The following DEAF1 variants were observed in gnomAD, a reference collection of about 807,000 sequenced individuals.
DEAF1 encodes the protein DEAF1 transcription factor, also known as deformed epidermal autoregulatory factor 1 homolog.
In DEAF1, 53 loss-of-function variants were observed where a neutral mutation model predicts 58.9. The ratio of observed to expected loss-of-function variants is 0.90; its 90% CI spans 0.72 to 1.13. The LOEUF is 1.13. Ranked by LOEUF, DEAF1 falls within the 50% of genes most tolerant of loss-of-function variation. The pLI, the probability that DEAF1 is intolerant of heterozygous loss-of-function variation, is 0.00. For missense variants in DEAF1, 685 were observed against 791.4 expected, an observed-to-expected ratio of 0.87 and a Z score of 1.61; for synonymous variants, 385 against 340.4, an observed-to-expected ratio of 1.13 and a Z score of -1.44.
At chr11:646,987 A>T (rs749599979) in intron 11 of DEAF1, among the ~76,000 whole-genome samples, 14 of 36,090 alleles carry the variant, frequency 3.9e-4, no homozygotes, top group Non-Finnish European at 7.2e-4. Context: ...CTATCTCTAT[A>T]AAAAAAAAAA....
chr11:691,632 A>G (rs773396409), intron 1 of DEAF1, 34 bp from the exon 2 acceptor site: 2 of 1,601,502 alleles, frequency 1.2e-6, no homozygotes, highest in Non-Finnish European at 1.7e-6. Flanking sequence ...AACAAGCAAC[A>G]AAAGCCAGAA....
chr11:644,384 A>T lies in DEAF1; in HGVS notation c.*166T>A, dbSNP rs1007915151. 3 of 672,742 alleles carry T rather than the reference A, an allele frequency of 4.5e-6. No homozygotes were observed. The Admixed American group carries it at 6.4e-5, about 14-fold the overall frequency. The allele number at this position is 672,742 out of a possible 1,614,324, so 41.7% of individuals were successfully genotyped here. ...CCCGGGCAGGGGGAGTGCGCTTCCCAGGGCACCATTCGCTTAAAGTGTGTT... is the reference window on the plus strand; with the variant it reads ...CCCGGGCAGGGGGAGTGCGCTTCCCTGGGCACCATTCGCTTAAAGTGTGTT... On this transcript the variant is annotated 3_prime_UTR_variant, in exon 12 of 12. Coordinates refer to ENST00000382409, the MANE Select transcript of DEAF1 (RefSeq NM_021008.4). This position sits in a 1 kb window ranked among gnomAD's most constrained non-coding sequence, Gnocchi z 4.3.
At chr11:659,455 T>C (rs138256438) in intron 10 of DEAF1, among the ~76,000 whole-genome samples, 95 of 152,090 alleles carry the variant, frequency 6.2e-4, no homozygotes, top group Non-Finnish European at 1.2e-3. Flanking sequence ...GATGAGGCTG[T>C]GGTTGGAGGC....
chr11:679,242 G>A (rs1404807427), intron 8 of DEAF1, among the ~76,000 whole-genome samples: 1 of 151,724 alleles, frequency 6.6e-6, no homozygotes, highest in African/African-American at 2.4e-5. Context: ...GTGAACCCGG[G>A]AGGCGGAGCT....
At chr11:664,476 G>C (rs1859451745) in intron 10 of DEAF1, among the ~76,000 whole-genome samples, 1 of 130,324 alleles carries the variant, frequency 7.7e-6, no homozygotes, top group Non-Finnish European at 1.6e-5. Context: ...TCCTGGCTCA[G>C]CTATTCACAC....
In DEAF1 at chr11:703,560, G is replaced by C. The variant is rs1244102122; in HGVS notation, c.-438+3012C>G. The C allele has an allele frequency of 3.2e-6, 4 of 1,233,498 alleles. No homozygotes were observed. The African/African-American group carries it at 4.7e-5, about 14-fold the overall frequency. 76.4% of individuals were successfully genotyped at this position (1,233,498 alleles called of 1,614,324 possible). On this transcript the variant is annotated intron_variant, in intron 1 of 11. Transcript: ENST00000683307. ...CCCCATCACCCCCTAGTTCCCCAATGGTCCTAATTTGTGTTCTGAGATCCC... is the reference window on the plus strand; with the variant it reads ...CCCCATCACCCCCTAGTTCCCCAATCGTCCTAATTTGTGTTCTGAGATCCC...
At chr11:695,854 C>G (rs7945422), upstream of DEAF1, 1 of 1,230,370 alleles carries the variant, frequency 8.1e-7, no homozygotes, top group Non-Finnish European at 1.0e-6. Flanking sequence ...GAGGTGAGCT[C>G]GGGCGGGGTG....
In DEAF1 at chr11:688,595, T is replaced by C; in HGVS notation, c.388-135A>G. The stretch of plus-strand genomic sequence containing the variant: ...AAGGGACGCTCACCTAGGCACCCCA[T>C]ATCTTTTCCAAAGATACCTCTCAAA... On this transcript the variant is annotated intron_variant, in intron 2 of 11. Coordinates refer to ENST00000382409, the MANE Select transcript of DEAF1 (RefSeq NM_021008.4). The surrounding 1 kb of genome is among the most constrained non-coding windows in gnomAD (Gnocchi z 4.3). The C allele has an allele frequency of 9.7e-7, 1 of 1,027,814 alleles. No individual in the cohort carries two copies. Among genetic ancestry groups the C allele is most frequent in the South Asian group, 1.3e-5 (1 of 75,850 alleles). 63.7% of individuals were successfully genotyped at this position (1,027,814 alleles called of 1,614,324 possible).
In DEAF1 at chr11:687,052, A is replaced by G. The variant is rs1241534812; in HGVS notation, c.665-55T>C. The stretch of plus-strand genomic sequence containing the variant: ...GGCAGGTGGGAACGTCACCTCTGCC[A>G]TTGCCTACCTCCTGGCGCCTCCTCA... On this transcript the variant is annotated intron_variant, in intron 4 of 11. Coordinates refer to ENST00000382409, the MANE Select transcript of DEAF1 (RefSeq NM_021008.4). The G allele has an allele frequency of 2.4e-5, 38 of 1,610,836 alleles. No individual in the cohort carries two copies. The East Asian group carries it at 8.0e-4, about 34-fold the overall frequency.
chr11:667,114 C>T (rs569052697), intron 10 of DEAF1, among the ~76,000 whole-genome samples: 3 of 151,908 alleles, frequency 2.0e-5, no homozygotes, highest in South Asian at 4.2e-4. Context: ...GTAAGAGGAT[C>T]GCTTGAGCCA....
intron 1 of DEAF1, among the ~76,000 whole-genome samples, chr11:701,376 T>G (rs11605480): frequency 1.2e-3 from 90 of 72,126 alleles, no homozygotes; most frequent in Non-Finnish European, 2.2e-3. Flanking sequence ...TTTTGTTTTG[T>G]TTTTTTTTGG....
At chr11:687,795 C>T (rs867366718) in intron 4 of DEAF1, 116 bp downstream of exon 4, 1 of 1,434,716 alleles carries the variant, frequency 7.0e-7, no homozygotes. Context: ...CGCGCCCAGC[C>T]CTGTCTTCTT....
At chr11:654,555 G>A in intron 10 of DEAF1, 1 of 455,352 alleles carries the variant, frequency 2.2e-6, no homozygotes, top group South Asian at 1.5e-5. Context: ...CCTCAGTGCA[G>A]TTTGCCCCCT....
chr11:704,860 G>A (rs1042111156), intron 1 of DEAF1: 7 of 363,832 alleles, frequency 1.9e-5, no homozygotes, highest in African/African-American at 6.4e-5. Context: ...CCTCTCCAGC[G>A]CCTGTTTCCC....
intron 1 of DEAF1, among the ~76,000 whole-genome samples, chr11:702,355 C>G (rs1417392295): frequency 6.6e-6 from 1 of 152,232 alleles, no homozygotes; most frequent in Non-Finnish European, 1.5e-5. Context: ...CTTCTGGGGC[C>G]TGGGCCTGCC....
At chr11:646,116 G>A (rs1280706346) in intron 11 of DEAF1, among the ~76,000 whole-genome samples, 1 of 151,986 alleles carries the variant, frequency 6.6e-6, no homozygotes, top group Non-Finnish European at 1.5e-5. Context: ...AGCCGCCTGT[G>A]GTCATGCGCA....
intron 7 of DEAF1, 133 bp from the exon 8 acceptor site, chr11:679,949 A>G: frequency 1.6e-6 from 2 of 1,241,344 alleles, no homozygotes; most frequent in Admixed American, 2.0e-5. Context: ...GTACCCTCCC[A>G]TGTGAAGGAC....
rs990495320 is a variant in DEAF1, at chr11:681,170, C to A, written c.871-81G>T. 7.5e-6 allele frequency: 12 copies of A among 1,594,948 alleles called. No individual in the cohort carries two copies. In the Admixed American group the frequency reaches 1.5e-4, roughly 20 times the overall value. On this transcript the variant is annotated intron_variant, in intron 6 of 11. Coordinates refer to ENST00000382409, the MANE Select transcript of DEAF1 (RefSeq NM_021008.4). Reference sequence around the variant, plus strand: ...CTTGCAACTCCTCCTTAAGTGGGGGCACCGCGGGGTGTGTGAGTCACATGG... The same window carrying A: ...CTTGCAACTCCTCCTTAAGTGGGGGAACCGCGGGGTGTGTGAGTCACATGG...
chr11:644,539 C>A lies in DEAF1; in HGVS notation c.*11G>T. ...CGAGGGGCCCCAGCTCCCAGGGCGG[C>A]CGATGGAGCCTCACACGGTCACCTT... On this transcript the variant is annotated 3_prime_UTR_variant, in exon 12 of 12. Coordinates refer to ENST00000382409, the MANE Select transcript of DEAF1 (RefSeq NM_021008.4). This position sits in a 1 kb window ranked among gnomAD's most constrained non-coding sequence, Gnocchi z 4.3. 6.2e-7 allele frequency: 1 copy of A among 1,609,500 alleles called. No homozygotes were observed. The highest frequency in any genetic ancestry group is 8.5e-7 in the Non-Finnish European group (1 of 1,178,414).
Sources: gnomAD v4.1 joint callset for allele counts (sites outside exome capture counted in the v4.1 genomes callset) on GRCh38, gnomAD v4.1.1 for gene constraint, Gnocchi (gnomAD v3.1) non-coding constraint, MANE v1.5 for transcripts, NCBI Gene and HGNC (gene_info 2026-07-23, HGNC 2026-07-21) for gene names.